Variants in AKAP19 observed in about 807,000 individuals in gnomAD.
The protein encoded by AKAP19 is A-kinase anchoring protein 19.
At chr2:190,177,112 T>C in the AKAP19 span, among the ~76,000 whole-genome samples, 1 of 152,196 alleles carries the variant, frequency 6.6e-6, no homozygotes, top group Non-Finnish European at 1.5e-5. The surrounding 1 kb of genome is among the most constrained non-coding windows in gnomAD (Gnocchi z 4.6). Context: ...AGGGTTCATA[T>C]CCCATAATGG....
At chr2:190,193,878 A>G in the AKAP19 span, among the ~76,000 whole-genome samples, 4 of 152,138 alleles carry the variant, frequency 2.6e-5, no homozygotes, top group East Asian at 1.9e-4. Context: ...GTGAAAGCTT[A>G]TATCACTGAT....
the AKAP19 span, among the ~76,000 whole-genome samples, chr2:189,996,621 T>C: frequency 3.3e-5 from 5 of 152,228 alleles, no homozygotes; most frequent in Admixed American, 3.3e-4. Flanking sequence ...TTGGTTTGGA[T>C]TTATTGATAG....
At chr2:190,111,806 TG>T in the AKAP19 span, among the ~76,000 whole-genome samples, 4 of 152,156 alleles carry the variant, frequency 2.6e-5, no homozygotes, top group Admixed American at 2.6e-4. Context: ...TAAAAACAAT[TG>T]TTTTTTGTGT....
At chr2:189,887,152 G>A in the AKAP19 span, among the ~76,000 whole-genome samples, 16 of 151,908 alleles carry the variant, frequency 1.1e-4, no homozygotes, top group Admixed American at 2.0e-4. Flanking sequence ...CCTCCCACCC[G>A]CTGACAGGCC....
the AKAP19 span, among the ~76,000 whole-genome samples, chr2:190,045,188 A>C: frequency 1.3e-5 from 2 of 152,212 alleles, no homozygotes; most frequent in African/African-American, 4.8e-5. Context: ...GGTCCCACCC[A>C]GTGAGGAGGA....
chr2:190,135,210 A>G, the AKAP19 span, among the ~76,000 whole-genome samples: 3 of 152,142 alleles, frequency 2.0e-5, no homozygotes, highest in African/African-American at 7.2e-5. Context: ...TCTCCCTCCT[A>G]CCTACTAGGC....
chr2:190,027,564 A>C, the AKAP19 span, among the ~76,000 whole-genome samples: 1 of 152,186 alleles, frequency 6.6e-6, no homozygotes, highest in African/African-American at 2.4e-5. Context: ...GCAGCTGGTG[A>C]TACTCTAATA....
the AKAP19 span, among the ~76,000 whole-genome samples, chr2:189,974,124 T>C: frequency 1.3e-5 from 2 of 152,188 alleles, no homozygotes; most frequent in Admixed American, 1.3e-4. Context: ...TTTAGTGCTA[T>C]AAATTTCCCT....
chr2:189,940,701 AG>A, the AKAP19 span, among the ~76,000 whole-genome samples: 1 of 151,682 alleles, frequency 6.6e-6, no homozygotes, highest in African/African-American at 2.4e-5. Context: ...GTACTTTGGG[AG>A]GCTGAGATGA....
the AKAP19 span, among the ~76,000 whole-genome samples, chr2:190,088,044 A>T: frequency 1.3e-5 from 2 of 152,202 alleles, no homozygotes; most frequent in African/African-American, 4.8e-5. Flanking sequence ...TACAGAGATC[A>T]TCCCTGAAAC....
the AKAP19 span, among the ~76,000 whole-genome samples, chr2:189,922,703 A>G: frequency 6.6e-6 from 1 of 152,136 alleles, no homozygotes; most frequent in Non-Finnish European, 1.5e-5. Context: ...TTTTTTACCT[A>G]TTACTTATTG....
At chr2:190,108,782 GGT>G in the AKAP19 span, among the ~76,000 whole-genome samples, 1 of 115,098 alleles carries the variant, frequency 8.7e-6, no homozygotes, top group African/African-American at 3.0e-5. Context: ...GCCTGTTTGC[GGT>G]TTTTTTTTTT....
At chr2:190,199,313 T>G in the AKAP19 span, among the ~76,000 whole-genome samples, 2 of 152,188 alleles carry the variant, frequency 1.3e-5, no homozygotes, top group Non-Finnish European at 2.9e-5. Context: ...AACGCAGCCA[T>G]GGACACATGT....
At chr2:190,154,815 A>C in the AKAP19 span, among the ~76,000 whole-genome samples, 1 of 152,310 alleles carries the variant, frequency 6.6e-6, no homozygotes, top group East Asian at 1.9e-4. Flanking sequence ...GTTACACAAT[A>C]CTGTGGCCAT....
the AKAP19 span, among the ~76,000 whole-genome samples, chr2:189,978,024 T>A: frequency 6.6e-6 from 1 of 152,200 alleles, no homozygotes; most frequent in Admixed American, 6.5e-5. Context: ...ATAGCCTGAT[T>A]TAAGTGTTCT....
At chr2:190,055,784 A>G in the AKAP19 span, 6 of 152,202 alleles carry the variant, frequency 3.9e-5, no homozygotes, top group African/African-American at 7.2e-5. Context: ...TCATTTAGTC[A>G]TAGTACAATA....
At chr2:189,940,434 G>GA in the AKAP19 span, among the ~76,000 whole-genome samples, 2 of 150,604 alleles carry the variant, frequency 1.3e-5, no homozygotes, top group African/African-American at 4.9e-5. Context: ...CAACGGGGGG[G>GA]AAAAAAAGAA....
chr2:189,899,619 G>A, the AKAP19 span, among the ~76,000 whole-genome samples: 1 of 152,084 alleles, frequency 6.6e-6, no homozygotes, highest in Admixed American at 6.5e-5. Context: ...GGCCCAAACA[G>A]TGTATGAATG....
chr2:189,884,259 A>G, the AKAP19 span, among the ~76,000 whole-genome samples: 1 of 152,120 alleles, frequency 6.6e-6, no homozygotes, highest in Admixed American at 6.5e-5. Context: ...CTTTAATTTT[A>G]CTTTAGACAC....
Sources: gnomAD v4.1 joint callset for allele counts (sites outside exome capture counted in the v4.1 genomes callset) on GRCh38, gnomAD v4.1.1 for gene constraint, Gnocchi (gnomAD v3.1) non-coding constraint, MANE v1.5 for transcripts, NCBI Gene and HGNC (gene_info 2026-07-23, HGNC 2026-07-21) for gene names.